Variants in USP25 observed in about 807,000 individuals in gnomAD.
USP25 encodes the protein ubiquitin carboxyl-terminal hydrolase 25.
USP25 carries 85 observed loss-of-function variants against 158.5 expected under a neutral mutation model. The ratio of observed to expected loss-of-function variants is 0.54; its 90% CI spans 0.45 to 0.64. USP25 has a LOEUF of 0.64. Among genes scored for constraint, USP25 ranks in the 30% least tolerant of loss-of-function variants. USP25 has a pLI of 0.00. For missense variants in USP25, 1,242 were observed against 1,327.3 expected (o/e 0.94, Z 1.00); for synonymous variants, 464 against 460.4 (o/e 1.01, Z -0.10).
intron 17 of USP25, among the ~76,000 whole-genome samples, chr21:15,837,727 T>C (rs890086548): frequency 7.9e-5 from 12 of 152,094 alleles, no homozygotes; most frequent in African/African-American, 2.9e-4. Context: ...GAAACACTAG[T>C]GAAGATTGGA....
At chr21:15,812,303 G>T (rs991099704) in intron 9 of USP25, among the ~76,000 whole-genome samples, 9 of 152,034 alleles carry the variant, frequency 5.9e-5, no homozygotes, top group African/African-American at 2.2e-4. Flanking sequence ...TACCCTGCAT[G>T]AGCATTTCTA....
chr21:15,873,258 G>A (rs2039967211), intron 23 of USP25, among the ~76,000 whole-genome samples: 1 of 151,462 alleles, frequency 6.6e-6, no homozygotes, highest in African/African-American at 2.4e-5. Context: ...CTACAGGCAT[G>A]TACCACGATG....
At chr21:15,860,230 A>G (rs2039365682) in intron 20 of USP25, among the ~76,000 whole-genome samples, 1 of 151,796 alleles carries the variant, frequency 6.6e-6, no homozygotes, top group Non-Finnish European at 1.5e-5. Flanking sequence ...TCAGCTCACC[A>G]CAACCTCTGC....
Position 15,730,290 on chromosome 21 carries a change from T to A in USP25, c.-104T>A, listed in dbSNP as rs975902023. 29 of 993,346 alleles carry A rather than the reference T, an allele frequency of 2.9e-5. No individual in the cohort carries two copies. Among genetic ancestry groups the A allele is most frequent in the African/African-American group, 3.5e-5 (2 of 57,040 alleles). The allele number at this position is 993,346 out of a possible 1,614,324, so 61.5% of individuals were successfully genotyped here. On this transcript the variant is annotated 5_prime_UTR_variant, in exon 1 of 26. Transcript: ENST00000400183. ...GCGGGGGCGCTGTCCTCCCAGGCCG[T>A]CCGCGCCGCTCCCTGGAGCTCGGCG...
intron 3 of USP25, among the ~76,000 whole-genome samples, chr21:15,772,930 T>G (rs1476172067): frequency 6.6e-6 from 1 of 152,214 alleles, no homozygotes; most frequent in Non-Finnish European, 1.5e-5. Flanking sequence ...ATTGTCATAT[T>G]GTTCTAAAAT....
chr21:15,846,146 ATATATATATATATT>A (rs2038589403), intron 18 of USP25, among the ~76,000 whole-genome samples: 1 of 59,636 alleles, frequency 1.7e-5, no homozygotes, highest in African/African-American at 1.2e-4. Flanking sequence ...ATATATATAT[ATATATATATATATT>A]TTTTTTTTTT....
Position 15,870,107 on chromosome 21 carries a change from A to C in USP25, c.2845A>C (p.Met949Leu), listed in dbSNP as rs1239237348. The C allele has an allele frequency of 3.1e-6, 5 of 1,610,238 alleles. No homozygotes were observed. Among genetic ancestry groups the C allele is most frequent in the Non-Finnish European group, 4.2e-6 (5 of 1,178,348 alleles). The change falls in exon 23 of 26, where the codon ATG becomes CTG. Residue 949 changes from methionine to leucine, a missense_variant. This residue lies in a region of USP25 where 608 missense variants were observed against 605.2 expected (regional missense o/e 1.00). Transcript: ENST00000400183. ...QDYRKFRETT[M>L]YLIIGLENFQ... ...TTATAGGAAATTCAGGGAAACAACT[A>C]TGTATCTCATAATTGGGCTAGAAAA...
chr21:15,842,171 T>C (rs1014217970), intron 17 of USP25, among the ~76,000 whole-genome samples: 1 of 152,184 alleles, frequency 6.6e-6, no homozygotes, highest in African/African-American at 2.4e-5. Flanking sequence ...CCATAAACTA[T>C]AATGAGAGCT....
chr21:15,771,705 C>CT (rs1284878616), intron 3 of USP25, among the ~76,000 whole-genome samples: 5 of 149,338 alleles, frequency 3.3e-5, no homozygotes, highest in African/African-American at 1.2e-4. Flanking sequence ...TTTAATAGCT[C>CT]TTCTGTCAAT....
At chr21:15,757,764 G>T (rs145845510) in intron 1 of USP25, among the ~76,000 whole-genome samples, 35 of 152,222 alleles carry the variant, frequency 2.3e-4, no homozygotes, top group African/African-American at 8.4e-4. Flanking sequence ...ACATGCCATT[G>T]GTCAAATCCC....
Position 15,874,452 on chromosome 21 carries a change from G to T in USP25, c.2935G>T (p.Glu979Ter). The T allele has an allele frequency of 6.2e-7, 1 of 1,611,136 alleles. No homozygotes were observed. Among genetic ancestry groups the T allele is most frequent in the Non-Finnish European group, 8.5e-7 (1 of 1,178,498 alleles). The change falls in exon 24 of 26, where the codon GAA (glutamate) becomes TAA (stop). Residue 979 changes from glutamate (E) to a stop codon, truncating the protein, a stop_gained. Transcript: ENST00000400183. LOFTEE classifies it high-confidence loss of function. ...CATCTGTGCTTATCAGAATAACAAA[G>T]AACTCTTGTCTAAAGGCTTATACAG... is the stretch of plus-strand genomic sequence containing the variant. ...FLICAYQNNK[E>*]LLSKGLYRGH...
chr21:15,798,923 T>A (rs1039701949), intron 5 of USP25, among the ~76,000 whole-genome samples: 1 of 151,238 alleles, frequency 6.6e-6, no homozygotes, highest in Non-Finnish European at 1.5e-5. Flanking sequence ...TTTGAAACAT[T>A]ATCACTTCCT....
chr21:15,751,613 A>G (rs1265436310), intron 1 of USP25, among the ~76,000 whole-genome samples: 2 of 152,218 alleles, frequency 1.3e-5, no homozygotes, highest in Middle Eastern at 3.2e-3. Flanking sequence ...AACTGCAGAC[A>G]TAGTGATTTA....
chr21:15,830,191 TAAG>T (rs1208313377), intron 14 of USP25, among the ~76,000 whole-genome samples: 1 of 152,194 alleles, frequency 6.6e-6, no homozygotes, highest in African/African-American at 2.4e-5. Flanking sequence ...ACTTTGTTCT[TAAG>T]TTTACTTGTG....
At chr21:15,784,462 C>G (rs1030230632) in intron 4 of USP25, among the ~76,000 whole-genome samples, 3 of 152,050 alleles carry the variant, frequency 2.0e-5, no homozygotes, top group Non-Finnish European at 4.4e-5. Flanking sequence ...ATCCAAGCTA[C>G]TCGGGTGGCT....
At chr21:15,759,444 T>G (rs56666611) in intron 1 of USP25, among the ~76,000 whole-genome samples, 19,818 of 152,192 alleles carry the variant, frequency 0.13, 1,545 homozygotes, top group African/African-American at 0.22. Flanking sequence ...ATTTTAAGGA[T>G]ACATAATATA....
intron 1 of USP25, among the ~76,000 whole-genome samples, chr21:15,736,038 G>A (rs970434168): frequency 2.0e-5 from 3 of 151,072 alleles, no homozygotes; most frequent in African/African-American, 7.3e-5. Flanking sequence ...ATGTAGACAT[G>A]CCATTTTTTT....
At chr21:15,870,205 G>A in intron 23 of USP25, 58 bp downstream of exon 23, 2 of 1,159,894 alleles carry the variant, frequency 1.7e-6, no homozygotes, top group Non-Finnish European at 2.5e-6. Flanking sequence ...ATTCTATTCA[G>A]GTGTGACCTC....
chr21:15,794,202 G>C lies in USP25; in HGVS notation c.555+2538G>C, dbSNP rs139271158. The stretch of plus-strand genomic sequence containing the variant: ...CCTTTAACTTCAAAGTATATAGCTG[G>C]GGTAGGCTACAACAGTTATAGATAG... On this transcript the variant is annotated intron_variant, in intron 5 of 25. Transcript: ENST00000400183. Among the ~76,000 whole-genome samples the C allele has an allele frequency of 1.3e-3, 198 of 151,596 alleles. No individual in the cohort carries two copies. In the Middle Eastern group the frequency reaches 0.014, roughly 10 times the overall value.
Sources: gnomAD v4.1 joint callset for allele counts (sites outside exome capture counted in the v4.1 genomes callset) on GRCh38, gnomAD v4.1.1 for gene constraint, gnomAD v4.1.1 regional missense constraint, MANE v1.5 for transcripts, NCBI Gene and HGNC (gene_info 2026-07-23, HGNC 2026-07-21) for gene names.